The following ERC2 variants were observed in gnomAD, a reference collection of about 807,000 sequenced individuals.
The protein encoded by ERC2 is ERC protein 2.
A neutral mutation model predicts 114.8 loss-of-function variants in ERC2; 42 were observed. That is an observed-to-expected ratio of 0.37 (90% CI 0.29 to 0.47). The LOEUF is 0.47. ERC2 is among the 20% of genes least tolerant of loss of function. The pLI, the probability that ERC2 is intolerant of heterozygous loss-of-function variation, is 0.99. For synonymous variants in ERC2, 454 were observed against 425.5 expected, an observed-to-expected ratio of 1.07 and a Z score of -0.82; for missense variants, 939 against 1,150.7, an observed-to-expected ratio of 0.82 and a Z score of 2.66.
intron 6 of ERC2, among the ~76,000 whole-genome samples, chr3:56,107,091 G>A (rs1327702955): frequency 6.6e-6 from 1 of 152,028 alleles, no homozygotes; most frequent in African/African-American, 2.4e-5. Flanking sequence ...TGGGTCTGCT[G>A]ATGGCCCTGG....
chr3:56,408,004 C>T (rs146991427), intron 2 of ERC2, among the ~76,000 whole-genome samples: 16 of 152,312 alleles, frequency 1.1e-4, no homozygotes, highest in African/African-American at 3.6e-4. Flanking sequence ...AAGGAGGTCC[C>T]TGCATGTATA....
At chr3:56,396,524 C>CA in intron 2 of ERC2, among the ~76,000 whole-genome samples, 1 of 152,134 alleles carries the variant, frequency 6.6e-6, no homozygotes, top group East Asian at 1.9e-4. Context: ...TATTGTTCAA[C>CA]AAAAAAGGCA....
At chr3:56,183,449 A>G (rs547700786) in intron 3 of ERC2, among the ~76,000 whole-genome samples, 1 of 152,308 alleles carries the variant, frequency 6.6e-6, no homozygotes, top group Admixed American at 6.5e-5. Flanking sequence ...GGATAAATAT[A>G]TGGACTGACA....
intron 6 of ERC2, among the ~76,000 whole-genome samples, chr3:56,091,677 C>T (rs952384980): frequency 2.0e-5 from 3 of 152,140 alleles, no homozygotes; most frequent in Admixed American, 6.5e-5. Flanking sequence ...GAGAGGACAT[C>T]GACATTGTTG....
At chr3:56,307,768 G>A (rs60120946) in intron 2 of ERC2, among the ~76,000 whole-genome samples, 8,109 of 151,938 alleles carry the variant, frequency 0.053, 505 homozygotes, top group African/African-American at 0.15. Context: ...GGGGAGTAGT[G>A]GAAAGGAAGG....
chr3:56,245,746 G>C (rs2051649034), intron 3 of ERC2, among the ~76,000 whole-genome samples: 1 of 151,958 alleles, frequency 6.6e-6, no homozygotes. Flanking sequence ...GTTTCGCCAT[G>C]TTGGTCAGGC....
intron 3 of ERC2, among the ~76,000 whole-genome samples, chr3:56,209,607 T>G (rs137951163): frequency 6.6e-5 from 10 of 152,306 alleles, no homozygotes; most frequent in Non-Finnish European, 1.2e-4. Flanking sequence ...GTTTTGTTCC[T>G]CGTTCAAAGG....
At chr3:56,338,792 G>A (rs1391327945) in intron 2 of ERC2, among the ~76,000 whole-genome samples, 1 of 152,228 alleles carries the variant, frequency 6.6e-6, no homozygotes, top group Non-Finnish European at 1.5e-5. Context: ...CATTTAGGGA[G>A]AGAAGCACTT....
chr3:56,009,642 A>G (rs1349050845), intron 9 of ERC2, among the ~76,000 whole-genome samples: 1 of 152,168 alleles, frequency 6.6e-6, no homozygotes, highest in Non-Finnish European at 1.5e-5. Context: ...GAAGGGGCCA[A>G]TTGCAGGCAA....
At chr3:55,837,128 G>A (rs1367935976) in intron 14 of ERC2, among the ~76,000 whole-genome samples, 1 of 152,204 alleles carries the variant, frequency 6.6e-6, no homozygotes, top group East Asian at 1.9e-4. Flanking sequence ...AGGATGTGGA[G>A]AAATAGGAAC....
intron 3 of ERC2, among the ~76,000 whole-genome samples, chr3:56,191,281 A>G (rs1037457654): frequency 6.6e-6 from 1 of 152,088 alleles, no homozygotes. Context: ...TCAGTGTTGG[A>G]GCAAGAGGTA....
At chr3:56,144,377 C>A (rs2081028711) in intron 5 of ERC2, among the ~76,000 whole-genome samples, 1 of 152,206 alleles carries the variant, frequency 6.6e-6, no homozygotes, top group Non-Finnish European at 1.5e-5. Flanking sequence ...ACACTCTTCT[C>A]AGGGGGGTAT....
intron 17 of ERC2, among the ~76,000 whole-genome samples, chr3:55,610,060 C>CAAAAAAAAAA (rs1172154104): frequency 1.6e-4 from 8 of 50,436 alleles, no homozygotes; most frequent in Admixed American, 2.2e-4. Context: ...CAAACAAACA[C>CAAAAAAAAAA]AAACAAAAAA....
chr3:56,189,026 G>C (rs2150064520), intron 3 of ERC2, among the ~76,000 whole-genome samples: 1 of 152,224 alleles, frequency 6.6e-6, no homozygotes, highest in South Asian at 2.1e-4. Context: ...CCAAACTTAG[G>C]AGGTAAGCAC....
intron 14 of ERC2, among the ~76,000 whole-genome samples, chr3:55,793,110 T>A (rs2070186766): frequency 6.6e-6 from 1 of 152,210 alleles, no homozygotes. Flanking sequence ...CTCTGTCATC[T>A]AGGCTGGAGT....
intron 17 of ERC2, among the ~76,000 whole-genome samples, chr3:55,569,861 ATTTTT>A (rs375004734): frequency 8.0e-6 from 1 of 125,228 alleles, no homozygotes; most frequent in Non-Finnish European, 1.7e-5. Context: ...CTTCATTTCT[ATTTTT>A]TTTTTTTTTT....
chr3:55,691,483 C>T (rs1485222393), intron 16 of ERC2, among the ~76,000 whole-genome samples: 3 of 141,640 alleles, frequency 2.1e-5, no homozygotes, highest in Non-Finnish European at 4.5e-5. Flanking sequence ...GCTTCATCCC[C>T]ACGTGAAACA....
chr3:56,374,305 G>C lies in ERC2; in HGVS notation c.657+60046C>G, dbSNP rs570422796. 1.9e-3 allele frequency among the ~76,000 whole-genome samples: 284 copies of C among 152,260 alleles called. 1 individual carries two copies. The highest frequency in any genetic ancestry group is 6.4e-3 in the African/African-American group (267 of 41,556). ...GTAGAGACGGGGTTTCAGCGTGTTA[G>C]CCAGGATGGTCTCGATCTCCTGACC... On this transcript the variant is annotated intron_variant, in intron 2 of 17. Coordinates refer to ENST00000288221, the MANE Select transcript of ERC2 (RefSeq NM_015576.3).
chr3:56,135,934 C>G (rs1167776320), intron 6 of ERC2, among the ~76,000 whole-genome samples: 1 of 152,080 alleles, frequency 6.6e-6, no homozygotes, highest in East Asian at 1.9e-4. Context: ...AGGGCAGTAG[C>G]AAAATAAGAA....
Sources: allele counts gnomAD v4.1 joint callset (sites outside exome capture counted in the v4.1 genomes callset), GRCh38; gene constraint gnomAD v4.1.1; transcripts MANE v1.5; gene names NCBI Gene and HGNC (gene_info 2026-07-23, HGNC 2026-07-21).